PCDHA8: variants seen among roughly 807,000 people sequenced by gnomAD.
PCDHA8 encodes protocadherin alpha-8.
In PCDHA8, 53 loss-of-function variants were observed where a neutral mutation model predicts 61.8. The ratio of observed to expected loss-of-function variants is 0.86; its 90% CI spans 0.69 to 1.08. PCDHA8 has a LOEUF of 1.08. Among genes scored for constraint, PCDHA8 ranks in the 50% least tolerant of loss-of-function variants. PCDHA8 has a pLI of 0.00. For missense variants in PCDHA8, 1,293 were observed against 1,245.0 expected (o/e 1.04, Z -0.58); for synonymous variants, 618 against 556.6 (o/e 1.11, Z -1.55).
chr5:140,928,122 A>G (rs1554205517), intron 1 of PCDHA8: 14 of 1,614,078 alleles, frequency 8.7e-6, no homozygotes, highest in Non-Finnish European at 1.2e-5. Context: ...AGATCAGTGA[A>G]TACCAAGTCC....
intron 1 of PCDHA8, chr5:140,884,495 A>T: frequency 6.2e-7 from 1 of 1,614,034 alleles, no homozygotes; most frequent in Non-Finnish European, 8.5e-7. Flanking sequence ...AGTGTGCTCC[A>T]GCGCGGCAGG....
At chr5:140,886,951 C>T (rs1277166050) in intron 1 of PCDHA8, among the ~76,000 whole-genome samples, 1 of 151,696 alleles carries the variant, frequency 6.6e-6, no homozygotes, top group Non-Finnish European at 1.5e-5. Flanking sequence ...ACACATTAGA[C>T]ATTTAGCAAC....
intron 1 of PCDHA8, chr5:140,929,314 G>A: frequency 6.4e-7 from 1 of 1,560,184 alleles, no homozygotes; most frequent in Non-Finnish European, 8.7e-7. Flanking sequence ...TCACGCTAAT[G>A]TCAATGCCAT....
In PCDHA8 at chr5:140,857,385, A is replaced by T. The variant is rs1300471931; in HGVS notation, c.2394+13670A>T. On this transcript the variant is annotated intron_variant, in intron 1 of 3. Coordinates refer to ENST00000531613, the MANE Select transcript of PCDHA8 (RefSeq NM_018911.3). ...GCCAGCGTGTCTGTGGAGGTGGCCG[A>T]CGTGAACGACAACGCGCCTGCGTTC... The T allele has an allele frequency of 1.8e-5, 29 of 1,598,230 alleles. 2 individuals carry two copies. Among genetic ancestry groups the T allele is most frequent in the Non-Finnish European group, 2.3e-5 (27 of 1,167,886 alleles).
intron 1 of PCDHA8, chr5:140,856,358 C>T: frequency 6.3e-7 from 1 of 1,598,606 alleles, no homozygotes; most frequent in African/African-American, 1.3e-5. Context: ...GTGCAGCATC[C>T]ACCTGGAGGT....
intron 3 of PCDHA8, among the ~76,000 whole-genome samples, chr5:140,995,073 C>A (rs2097663037): frequency 6.6e-6 from 1 of 152,180 alleles, no homozygotes; most frequent in Non-Finnish European, 1.5e-5. Context: ...CAACCTACAG[C>A]AATCCAAACT....
chr5:140,851,112 C>A lies in PCDHA8; in HGVS notation c.2394+7397C>A. On this transcript the variant is annotated intron_variant, in intron 1 of 3. Coordinates refer to ENST00000531613, the MANE Select transcript of PCDHA8 (RefSeq NM_018911.3). ...AATAGATATTTTTTGGGTGCTGAAT[C>A]AATTTTATTTAAATTTGTGATTAAA... The A allele has an allele frequency of 5.4e-6, 7 of 1,301,380 alleles. 1 individual carries two copies. The highest frequency in any genetic ancestry group is 7.0e-6 in the Non-Finnish European group (7 of 1,004,338). 80.6% of individuals were successfully genotyped at this position (1,301,380 alleles called of 1,614,324 possible). A position where few individuals can be genotyped will look rare whatever the true frequency, so the allele number is the denominator to read the frequency against.
chr5:140,988,751 T>C (rs1433769306), intron 3 of PCDHA8, among the ~76,000 whole-genome samples: 2 of 152,198 alleles, frequency 1.3e-5, no homozygotes, highest in Non-Finnish European at 2.9e-5. Flanking sequence ...ATTGGTGGCC[T>C]GGGCAGAATA....
intron 1 of PCDHA8, among the ~76,000 whole-genome samples, chr5:140,977,103 G>A (rs1159604551): frequency 6.6e-6 from 1 of 152,230 alleles, no homozygotes; most frequent in Non-Finnish European, 1.5e-5. Context: ...TTGGGGAAGT[G>A]AGATTGTATA....
At chr5:140,950,050 T>C (rs1554219269) in intron 1 of PCDHA8, among the ~76,000 whole-genome samples, 3 of 151,956 alleles carry the variant, frequency 2.0e-5, no homozygotes, top group Admixed American at 6.6e-5. Context: ...CATATAAGAC[T>C]ATTTAGCTCT....
intron 1 of PCDHA8, among the ~76,000 whole-genome samples, chr5:140,975,053 A>G (rs2096651589): frequency 1.3e-5 from 2 of 152,144 alleles, no homozygotes; most frequent in Admixed American, 6.5e-5. Flanking sequence ...GGAAGAATCT[A>G]CTATCGAGCT....
chr5:140,933,629 C>G (rs958764636), intron 1 of PCDHA8, among the ~76,000 whole-genome samples: 1 of 151,846 alleles, frequency 6.6e-6, no homozygotes, highest in Non-Finnish European at 1.5e-5. Context: ...TTAGGCTGGC[C>G]CTGTTAAACA....
intron 1 of PCDHA8, chr5:140,966,135 T>A (rs1456572936): frequency 1.2e-5 from 2 of 162,166 alleles, no homozygotes; most frequent in African/African-American, 4.8e-5. Context: ...CCCCTCAGTT[T>A]ATTTTCCTGA....
At chr5:140,985,103 A>C (rs1342526252) in intron 3 of PCDHA8, among the ~76,000 whole-genome samples, 1 of 151,694 alleles carries the variant, frequency 6.6e-6, no homozygotes, top group Admixed American at 6.6e-5. Context: ...AAGCCTGGCT[A>C]ATTTTTTGTG....
chr5:140,855,777 G>T (rs1004478743), intron 1 of PCDHA8: 3 of 402,200 alleles, frequency 7.5e-6, no homozygotes, highest in Non-Finnish European at 1.3e-5. Context: ...ATAAAAATAC[G>T]TAAAAAAAGA....
chr5:140,889,868 G>A (rs905154258), intron 1 of PCDHA8, among the ~76,000 whole-genome samples: 2 of 152,136 alleles, frequency 1.3e-5, no homozygotes, highest in African/African-American at 4.8e-5. Context: ...TTTGGGGGAA[G>A]CCTGCCACCA....
chr5:140,870,100 T>C (rs1554163812), intron 1 of PCDHA8: 2 of 1,613,914 alleles, frequency 1.2e-6, no homozygotes, highest in Admixed American at 3.3e-5. Context: ...GGCAGGTCAC[T>C]GTACAGTCTG....
At chr5:140,896,672 C>T (rs912022786) in intron 1 of PCDHA8, among the ~76,000 whole-genome samples, 7 of 152,028 alleles carry the variant, frequency 4.6e-5, no homozygotes, top group Middle Eastern at 3.2e-3. Flanking sequence ...TCACTGTGCC[C>T]GGCCCTTTGC....
intron 1 of PCDHA8, among the ~76,000 whole-genome samples, chr5:140,972,660 A>ATTT (rs11350929): frequency 1.0e-4 from 12 of 117,258 alleles, no homozygotes; most frequent in Non-Finnish European, 1.7e-4. Flanking sequence ...AAGAAACCAA[A>ATTT]TTTTTTTTTT....
Sources: gnomAD v4.1 joint callset for allele counts (sites outside exome capture counted in the v4.1 genomes callset) on GRCh38, gnomAD v4.1.1 for gene constraint, MANE v1.5 for transcripts, NCBI Gene and HGNC (gene_info 2026-07-23, HGNC 2026-07-21) for gene names.